Variants in ABCA10 observed in about 807,000 individuals in gnomAD.
The protein encoded by ABCA10 is ATP binding cassette subfamily A member 10, also known as ATP-binding cassette sub-family A member 10.
A neutral mutation model predicts 187.5 loss-of-function variants in ABCA10; 169 were observed. That is an observed-to-expected ratio of 0.90 (90% CI 0.80 to 1.02). The LOEUF (loss-of-function observed/expected upper bound fraction) is 1.02, where lower values mean the gene tolerates loss of function less well. Ranked by LOEUF, ABCA10 falls within the 50% of genes least tolerant of loss-of-function variation. The pLI is 0.00. For synonymous variants in ABCA10, 574 were observed against 601.8 expected, an observed-to-expected ratio of 0.95 and a Z score of 0.68; for missense variants, 1,727 against 1,812.4, an observed-to-expected ratio of 0.95 and a Z score of 0.86.
chr17:69,224,170 A>G (rs1303020684), intron 3 of ABCA10, among the ~76,000 whole-genome samples: 1 of 152,186 alleles, frequency 6.6e-6, no homozygotes, highest in Admixed American at 6.5e-5. Flanking sequence ...AAGCTTGGAT[A>G]GGTTAGGCAC....
chr17:69,221,993 G>A (rs1414742767), intron 4 of ABCA10, 98 bp from the exon 5 acceptor site: 7 of 873,208 alleles, frequency 8.0e-6, no homozygotes, highest in Non-Finnish European at 1.0e-5. Context: ...ATATCTAAAT[G>A]TTAGCTCAAA....
At chr17:69,168,227 A>G (rs2074268779) in intron 25 of ABCA10, among the ~76,000 whole-genome samples, 1 of 152,190 alleles carries the variant, frequency 6.6e-6, no homozygotes. Context: ...ATAGGCTATG[A>G]GTAGTTAAGT....
intron 25 of ABCA10, among the ~76,000 whole-genome samples, chr17:69,167,965 C>G (rs985571333): frequency 6.6e-6 from 1 of 152,120 alleles, no homozygotes; most frequent in African/African-American, 2.4e-5. Flanking sequence ...CTCTGACACC[C>G]CTAAGACAGC....
Position 69,155,110 on chromosome 17 carries a change from T to TA in ABCA10, c.3602dup (p.Leu1201PhefsTer7). The TA allele has an allele frequency of 6.2e-7, 1 of 1,612,070 alleles. No homozygotes were observed. Among genetic ancestry groups the TA allele is most frequent in the South Asian group, 1.1e-5 (1 of 90,682 alleles). Reference sequence around the variant, plus strand: ...TCTTTGTCTCATAATATTCCTTGTGTAAACAGCTTGCAGTTATGACTGGTT... The same window carrying TA: ...TCTTTGTCTCATAATATTCCTTGTGTAAAACAGCTTGCAGTTATGACTGGTT... On this transcript the variant is annotated frameshift_variant, in exon 30 of 39. Transcript: ENST00000690296. LOFTEE classifies it high-confidence loss of function.
chr17:69,215,002 G>A, intron 8 of ABCA10, 151 bp from the exon 9 acceptor site: 1 of 523,896 alleles, frequency 1.9e-6, no homozygotes, highest in Non-Finnish European at 3.0e-6. Flanking sequence ...TAGTATTGTT[G>A]CTTTTTAAAA....
At chr17:69,158,671 A>G (rs972050605) in intron 27 of ABCA10, among the ~76,000 whole-genome samples, 5 of 152,096 alleles carry the variant, frequency 3.3e-5, no homozygotes, top group Admixed American at 6.5e-5. Context: ...TCCACATACC[A>G]GTTTCTGGCA....
chr17:69,217,261 A>G (rs2074713474), intron 6 of ABCA10, among the ~76,000 whole-genome samples: 1 of 152,124 alleles, frequency 6.6e-6, no homozygotes, highest in Non-Finnish European at 1.5e-5. Context: ...AAAAGAAAAA[A>G]AAAAAAGGTA....
rs1477442639 is a variant in ABCA10, at chr17:69,175,878, T to C, written c.2770-365A>G. The C allele has an allele frequency of 1.8e-5, 3 of 168,018 alleles. No individual in the cohort carries two copies. In the South Asian group the frequency reaches 4.7e-4, roughly 26 times the overall value. 10.4% of individuals were successfully genotyped at this position (168,018 alleles called of 1,614,324 possible). ...TACTAAGTGACTAATGGGTAACATATACAGTGTGGACACACCAAACAAAGG... is the reference window on the plus strand; with the variant it reads ...TACTAAGTGACTAATGGGTAACATACACAGTGTGGACACACCAAACAAAGG... On this transcript the variant is annotated intron_variant, in intron 22 of 38. Coordinates refer to ENST00000690296, the MANE Select transcript of ABCA10 (RefSeq NM_001377321.1).
In ABCA10 at chr17:69,192,641, A is replaced by C; in HGVS notation, c.1793T>G (p.Phe598Cys). 1 of 1,612,882 alleles carries C rather than the reference A, an allele frequency of 6.2e-7. No individual in the cohort carries two copies. The highest frequency in any genetic ancestry group is 1.3e-5 in the African/African-American group (1 of 75,020). The change falls in exon 16 of 39, where the codon TTT becomes TGT. Residue 598 changes from phenylalanine to cysteine, a missense_variant. Transcript: ENST00000690296. ...ACATTTCAACTTCCCATTAGACAGA[A>C]ATACTTTCCTATCTGAGTAGAAAGG... ...EADILADRKV[F>C]LSNGKLKCAG...
At chr17:69,177,966 AAAAAAAAAT>A (rs1568057327) in intron 22 of ABCA10, among the ~76,000 whole-genome samples, 1 of 37,230 alleles carries the variant, frequency 2.7e-5, no homozygotes, top group Non-Finnish European at 9.5e-5. Flanking sequence ...AAAAAAAAAA[AAAAAAAAAT>A]ATATATATAT....
intron 1 of ABCA10, among the ~76,000 whole-genome samples, chr17:69,242,147 GATGT>G (rs1361244741): frequency 6.6e-6 from 1 of 152,118 alleles, no homozygotes; most frequent in Non-Finnish European, 1.5e-5. Context: ...CATGTACACT[GATGT>G]ATGAGAATTT....
At chr17:69,192,423 G>A in intron 16 of ABCA10, 140 bp downstream of exon 16, 1 of 637,120 alleles carries the variant, frequency 1.6e-6, no homozygotes, top group South Asian at 2.2e-5. Flanking sequence ...TGTTAATGAG[G>A]AAGACATTTT....
rs1050388550 is a variant in ABCA10, at chr17:69,156,813, C to G, written c.3455+19G>C. The stretch of plus-strand genomic sequence containing the variant: ...AAATATTTAGATTATATTCAGATCT[C>G]AATTAATATTTTCCCAACCTGAAAA... On this transcript the variant is annotated intron_variant, in intron 28 of 38. Transcript: ENST00000690296. 103 of 1,404,752 alleles carry G rather than the reference C, an allele frequency of 7.3e-5. No homozygotes were observed. The highest frequency in any genetic ancestry group is 1.7e-4 in the Admixed American group (8 of 48,348). 87.0% of individuals were successfully genotyped at this position (1,404,752 alleles called of 1,614,324 possible).
At chr17:69,216,475 G>T in intron 6 of ABCA10, 117 bp from the exon 7 acceptor site, 1 of 1,167,682 alleles carries the variant, frequency 8.6e-7, no homozygotes, top group East Asian at 2.5e-5. Flanking sequence ...ATTCTAAATG[G>T]GTGGCCATAC....
Position 69,187,753 on chromosome 17 carries a change from C to T in ABCA10, c.2258G>A (p.Arg753Lys). Residue 753 changes from arginine to lysine, a missense_variant, in exon 19 of 39, where the codon AGA (arginine) becomes AAA (lysine). Coordinates refer to ENST00000690296, the MANE Select transcript of ABCA10 (RefSeq NM_001377321.1). ...RKAVSSAALW[R>K]RQIYAVATLR... ...TGTTGCCACTGCATAGATTTGTCGT[C>T]TCCAGAGAGCTGCACTACTGACAGC... is the stretch of plus-strand genomic sequence containing the variant. 6.2e-7 allele frequency: 1 copy of T among 1,613,948 alleles called. No individual in the cohort carries two copies.
chr17:69,232,919 A>T (rs1415870015), upstream of ABCA10: 1 of 152,144 alleles, frequency 6.6e-6, no homozygotes, highest in Non-Finnish European at 1.5e-5. Context: ...CTGCTGGAAA[A>T]GTCTCTTGTC....
intron 9 of ABCA10, among the ~76,000 whole-genome samples, chr17:69,214,329 A>C (rs1048140379): frequency 1.3e-5 from 2 of 151,826 alleles, no homozygotes; most frequent in East Asian, 1.9e-4. Context: ...TCCCGGCTAA[A>C]ACGGTGAAAC....
intron 27 of ABCA10, among the ~76,000 whole-genome samples, chr17:69,158,683 T>C (rs2074192985): frequency 6.6e-6 from 1 of 152,098 alleles, no homozygotes; most frequent in Non-Finnish European, 1.5e-5. Flanking sequence ...TTTCTGGCAC[T>C]TGACTGCATT....
At chr17:69,222,419 G>T in intron 4 of ABCA10, 114 bp downstream of exon 4, 1 of 902,472 alleles carries the variant, frequency 1.1e-6, no homozygotes, top group Non-Finnish European at 1.6e-6. Context: ...TAAGTTCAGA[G>T]GGAAATGTAT....
Sources: gnomAD v4.1 joint callset for allele counts (sites outside exome capture counted in the v4.1 genomes callset) on GRCh38, gnomAD v4.1.1 for gene constraint, MANE v1.5 for transcripts, NCBI Gene and HGNC (gene_info 2026-07-23, HGNC 2026-07-21) for gene names.